Variants in XKR9 observed in about 807,000 individuals in gnomAD.
The protein encoded by XKR9 is XK-related protein 9.
Under a neutral mutation model 32.0 loss-of-function variants are expected in XKR9, and 32 were observed. The ratio of observed to expected loss-of-function variants is 1.00; its 90% CI spans 0.76 to 1.34. The LOEUF (loss-of-function observed/expected upper bound fraction) is 1.34. Ranked by LOEUF, XKR9 falls within the 40% of genes most tolerant of loss-of-function variation. XKR9 has a pLI of 0.00. For missense variants in XKR9, 546 were observed against 429.7 expected, an observed-to-expected ratio of 1.27 and a Z score of -2.39; for synonymous variants, 168 against 143.4, an observed-to-expected ratio of 1.17 and a Z score of -1.22.
At chr8:71,045,537 A>G in the XKR9 span, among the ~76,000 whole-genome samples, 238 of 152,340 alleles carry the variant, frequency 1.6e-3, 1 homozygote, top group African/African-American at 5.4e-3. Context: ...TAAAATGTCG[A>G]AGATACCAGG....
At chr8:70,860,780 G>T in the XKR9 span, among the ~76,000 whole-genome samples, 1 of 151,898 alleles carries the variant, frequency 6.6e-6, no homozygotes, top group Non-Finnish European at 1.5e-5. Flanking sequence ...CAGCTCTGCA[G>T]ACTAGGGCAA....
In XKR9 at chr8:70,768,949, G is replaced by A. The variant is rs548313614; in HGVS notation, n.353-20390G>A. On this transcript the variant is annotated intron_variant and non_coding_transcript_variant, in intron 2 of 3. Transcript: ENST00000520273. ...TTACATTTAAGGTTAATATTGTTAT[G>A]TGTGAATTTGATGCTGTCATCATGA... Among the ~76,000 whole-genome samples the A allele has an allele frequency of 3.9e-5, 6 of 152,188 alleles. No homozygotes were observed. The East Asian group carries it at 5.8e-4, about 15-fold the overall frequency.
chr8:70,925,517 A>G, the XKR9 span, among the ~76,000 whole-genome samples: 22 of 152,360 alleles, frequency 1.4e-4, no homozygotes, highest in East Asian at 4.2e-3. Flanking sequence ...TAATGTTTAC[A>G]AACATAACAC....
At chr8:70,947,287 A>T in the XKR9 span, among the ~76,000 whole-genome samples, 1 of 152,250 alleles carries the variant, frequency 6.6e-6, no homozygotes, top group Non-Finnish European at 1.5e-5. Context: ...GCATCTGGAA[A>T]CATACTGAGA....
the XKR9 span, among the ~76,000 whole-genome samples, chr8:70,844,512 G>T: frequency 6.6e-6 from 1 of 152,208 alleles, no homozygotes; most frequent in Admixed American, 6.5e-5. Flanking sequence ...TGTTGCTGCT[G>T]CAGTCACCCA....
chr8:71,049,790 A>G, the XKR9 span, among the ~76,000 whole-genome samples: 5 of 152,210 alleles, frequency 3.3e-5, no homozygotes, highest in Non-Finnish European at 7.3e-5. Flanking sequence ...AGTTACATAA[A>G]GAGAGAAAAA....
chr8:70,792,118 G>A (rs972337790), downstream of XKR9, among the ~76,000 whole-genome samples: 3 of 152,006 alleles, frequency 2.0e-5, no homozygotes, highest in Non-Finnish European at 4.4e-5. Context: ...TAGAGATAAA[G>A]GATATCTCTC....
downstream of XKR9, among the ~76,000 whole-genome samples, chr8:70,740,393 C>T (rs1369059559): frequency 1.3e-5 from 2 of 152,038 alleles, no homozygotes; most frequent in African/African-American, 2.4e-5. Context: ...AAGTTTTTAA[C>T]TTCTTTGCCT....
At chr8:70,792,476 C>G (rs1807776484), downstream of XKR9, among the ~76,000 whole-genome samples, 1 of 152,046 alleles carries the variant, frequency 6.6e-6, no homozygotes, top group African/African-American at 2.4e-5. Flanking sequence ...TTCAGGGTGT[C>G]ATGTACTGTG....
chr8:70,836,611 A>G, the XKR9 span, among the ~76,000 whole-genome samples: 1 of 151,964 alleles, frequency 6.6e-6, no homozygotes, highest in Non-Finnish European at 1.5e-5. Flanking sequence ...ATTGATTGAT[A>G]TTTGGGGTTT....
At chr8:70,719,628 GC>G (rs1806208392) in intron 4 of XKR9, among the ~76,000 whole-genome samples, 1 of 151,968 alleles carries the variant, frequency 6.6e-6, no homozygotes, top group Non-Finnish European at 1.5e-5. Flanking sequence ...TATTTCTGAG[GC>G]CTCTGTCCTG....
chr8:70,715,221 C>G (rs1372479562), intron 4 of XKR9, among the ~76,000 whole-genome samples: 6 of 152,186 alleles, frequency 3.9e-5, no homozygotes. Flanking sequence ...GTAAACATGT[C>G]CCCTATGCTT....
chr8:70,849,269 C>A, the XKR9 span, among the ~76,000 whole-genome samples: 1 of 152,200 alleles, frequency 6.6e-6, no homozygotes, highest in African/African-American at 2.4e-5. Flanking sequence ...AACAATCTCT[C>A]AGACCACTGT....
At chr8:71,022,627 A>G in the XKR9 span, among the ~76,000 whole-genome samples, 4 of 152,128 alleles carry the variant, frequency 2.6e-5, no homozygotes, top group Non-Finnish European at 5.9e-5. Flanking sequence ...CTATGCAGGG[A>G]TCTCCAAGCT....
chr8:70,887,128 G>C, the XKR9 span, among the ~76,000 whole-genome samples: 2 of 152,106 alleles, frequency 1.3e-5, no homozygotes, highest in Non-Finnish European at 2.9e-5. Context: ...TCCAGTTCCA[G>C]TTTTCTGCAT....
chr8:70,790,796 T>G (rs571333469), downstream of XKR9, among the ~76,000 whole-genome samples: 12 of 152,202 alleles, frequency 7.9e-5, no homozygotes, highest in African/African-American at 2.6e-4. Flanking sequence ...ATAAATTGGG[T>G]GGCTTATTAG....
chr8:70,942,751 G>A, the XKR9 span, among the ~76,000 whole-genome samples: 1 of 152,048 alleles, frequency 6.6e-6, no homozygotes, highest in South Asian at 2.1e-4. Flanking sequence ...CTTGTTACCA[G>A]GATTAAATAA....
chr8:70,773,770 TC>T (rs1387049531), intron 2 of XKR9, among the ~76,000 whole-genome samples: 1 of 152,158 alleles, frequency 6.6e-6, no homozygotes, highest in Non-Finnish European at 1.5e-5. Flanking sequence ...GGAATCAAAG[TC>T]CAGGGTGAAT....
the XKR9 span, among the ~76,000 whole-genome samples, chr8:70,900,063 G>A: frequency 6.6e-6 from 1 of 151,830 alleles, no homozygotes; most frequent in Non-Finnish European, 1.5e-5. Flanking sequence ...GCCTAAAAAT[G>A]TGCACTCCAG....
Sources: gnomAD v4.1 joint callset for allele counts (sites outside exome capture counted in the v4.1 genomes callset) on GRCh38, gnomAD v4.1.1 for gene constraint, MANE v1.5 for transcripts, NCBI Gene and HGNC (gene_info 2026-07-23, HGNC 2026-07-21) for gene names.